Variants in IGF2R observed in about 807,000 individuals in gnomAD.
IGF2R encodes the protein insulin like growth factor 2 receptor.
In IGF2R, 91 loss-of-function variants were observed where a neutral mutation model predicts 270.6. The observed-to-expected ratio is 0.34, with a 90% CI of 0.28 to 0.40. The LOEUF is 0.40. Among genes scored for constraint, IGF2R ranks in the 10% least tolerant of loss-of-function variants. The pLI, the probability that IGF2R is intolerant of heterozygous loss-of-function variation, is 1.00. For missense variants in IGF2R, 2,805 were observed against 3,188.3 expected (o/e 0.88, Z 2.90); for synonymous variants, 1,316 against 1,258.9 (o/e 1.05, Z -0.96).
intron 1 of IGF2R, among the ~76,000 whole-genome samples, chr6:159,973,761 G>A (rs2115165486): frequency 6.6e-6 from 1 of 152,320 alleles, no homozygotes; most frequent in Middle Eastern, 3.4e-3. Context: ...TGGGCCTCAC[G>A]TCTTTTGTCA....
At chr6:160,002,577 G>A (rs1784147139) in intron 2 of IGF2R, among the ~76,000 whole-genome samples, 3 of 152,192 alleles carry the variant, frequency 2.0e-5, no homozygotes, top group African/African-American at 7.2e-5. Flanking sequence ...CTGTGTATAA[G>A]TGGACCTGGG....
chr6:159,973,345 G>A (rs544883058), intron 1 of IGF2R, among the ~76,000 whole-genome samples: 1 of 152,228 alleles, frequency 6.6e-6, no homozygotes, highest in Non-Finnish European at 1.5e-5. Context: ...GGTCTTAGCA[G>A]TGTGCATTAA....
intron 1 of IGF2R, among the ~76,000 whole-genome samples, chr6:159,986,155 A>AC (rs2115178616): frequency 6.6e-6 from 1 of 151,752 alleles, no homozygotes; most frequent in South Asian, 2.1e-4. Context: ...TACAGCATAG[A>AC]GTCAGTGACT....
Position 160,073,945 on chromosome 6 carries a change from G to T in IGF2R, c.5136G>T (p.Val1712=). Residue 1712 remains valine (V), a synonymous_variant, in exon 35 of 48, where the codon GTG becomes GTT. Transcript: ENST00000356956. The stretch of plus-strand genomic sequence containing the variant: ...TGCCCTGTCCTGCCGGAGCCGCTGT[G>T]TGCAAAGTTCCTATTGATGGTCCCC... ...HGVPCPAGAA[V]CKVPIDGPPI... The T allele has an allele frequency of 6.2e-7, 1 of 1,613,646 alleles. No homozygotes were observed. The highest frequency in any genetic ancestry group is 8.5e-7 in the Non-Finnish European group (1 of 1,179,688).
Position 160,064,478 on chromosome 6 carries a change from G to T in IGF2R, c.3964G>T (p.Val1322Phe), listed in dbSNP as rs1363410387. 5 of 1,614,026 alleles carry T rather than the reference G, an allele frequency of 3.1e-6. No homozygotes were observed. The highest frequency in any genetic ancestry group is 2.2e-5 in the East Asian group (1 of 44,884). Residue 1322 changes from valine to phenylalanine, a missense_variant, in exon 28 of 48, where the codon GTT (valine) becomes TTT (phenylalanine). Physicochemically the swap from Val to Phe is conservative, Grantham distance 50 (BLOSUM62 -1). Around this residue, in one of 2 missense-constraint regions of IGF2R, gnomAD observed 1,851 missense variants for 2,207.2 expected, o/e 0.84. Coordinates refer to ENST00000356956, the MANE Select transcript of IGF2R (RefSeq NM_000876.4). ...CACGGGGGGGGACACTTGCCATAAG[G>T]TTTATCAGCGCTCCACAGCCATCTT... ...NFTGGDTCHK[V>F]YQRSTAIFFY...
At chr6:159,975,431 T>C (rs1429099730) in intron 1 of IGF2R, among the ~76,000 whole-genome samples, 5 of 152,010 alleles carry the variant, frequency 3.3e-5, no homozygotes, top group Non-Finnish European at 7.4e-5. Flanking sequence ...TTATGGAAGC[T>C]TCAGGAGGTC....
intron 29 of IGF2R, among the ~76,000 whole-genome samples, chr6:160,065,831 T>C (rs1017230572): frequency 6.9e-5 from 8 of 115,524 alleles, no homozygotes; most frequent in African/African-American, 1.7e-4. Context: ...TATATATATA[T>C]ATATATATAT....
At chr6:160,080,047 T>A (rs1778943655) in intron 38 of IGF2R, 82 bp from the exon 39 acceptor site, 5 of 1,507,964 alleles carry the variant, frequency 3.3e-6, no homozygotes, top group Non-Finnish European at 4.5e-6. Flanking sequence ...GGCAGCTTCC[T>A]TAGGGACTGC....
chr6:160,046,739 C>A, intron 15 of IGF2R, 94 bp downstream of exon 15: 1 of 1,288,702 alleles, frequency 7.8e-7, no homozygotes, highest in Non-Finnish European at 1.1e-6. Context: ...AATGTCATTG[C>A]TTTATGACAA....
intron 1 of IGF2R, among the ~76,000 whole-genome samples, chr6:159,981,783 G>T (rs997340671): frequency 6.6e-6 from 1 of 152,132 alleles, no homozygotes; most frequent in African/African-American, 2.4e-5. Context: ...CCTCTGTTAC[G>T]CAGTCCCCAT....
chr6:160,045,186 A>G (rs1398719086), intron 13 of IGF2R, among the ~76,000 whole-genome samples: 2 of 152,156 alleles, frequency 1.3e-5, no homozygotes, highest in East Asian at 3.8e-4. Flanking sequence ...CCTTGTTGAC[A>G]TGGTGTGGTT....
At position 160,056,509 on chromosome 6, in the gene IGF2R, C is replaced by T. The variant is rs779810760; in HGVS notation, c.2780C>T (p.Thr927Met). ...GAGGCTGCCTGTCCCATTCAGACAA[C>T]GACGGATACAGACCAGGTACGTGTG... ...NTEAACPIQT[T>M]TDTDQACSIR... is the part of the protein sequence containing the mutation. Residue 927 changes from threonine to methionine, a missense_variant, in exon 20 of 48, where the codon ACG (threonine) becomes ATG (methionine). Thr to Met is a moderately conservative substitution (Grantham distance 81). Around this residue, in one of 2 missense-constraint regions of IGF2R, gnomAD observed 1,851 missense variants for 2,207.2 expected, o/e 0.84. Coordinates refer to ENST00000356956, the MANE Select transcript of IGF2R (RefSeq NM_000876.4). The T allele has an allele frequency of 1.9e-5, 30 of 1,611,574 alleles. No individual in the cohort carries two copies. In the South Asian group the frequency reaches 2.2e-4, roughly 12 times the overall value.
rs564314361 is a variant in IGF2R, at chr6:160,049,254, G to A, written c.2514+711G>A. ...ACTGGAGCAATGAGTTCAGTGTATA[G>A]TCAGTCCTCTTTATTCACAGATTCT... is the stretch of plus-strand genomic sequence containing the variant. On this transcript the variant is annotated intron_variant, in intron 18 of 47. Coordinates refer to ENST00000356956, the MANE Select transcript of IGF2R (RefSeq NM_000876.4). 2.9e-4 allele frequency among the ~76,000 whole-genome samples: 44 copies of A among 152,316 alleles called. 1 individual carries two copies. The South Asian group carries it at 5.2e-3, about 18-fold the overall frequency.
chr6:160,066,103 C>T (rs894367051), intron 29 of IGF2R, among the ~76,000 whole-genome samples: 2 of 151,350 alleles, frequency 1.3e-5, no homozygotes, highest in African/African-American at 4.9e-5. Context: ...CAACCTCCGC[C>T]TCCCGGGTTC....
chr6:160,016,618 G>A (rs190556109), intron 4 of IGF2R, among the ~76,000 whole-genome samples: 150 of 152,316 alleles, frequency 9.8e-4, no homozygotes, highest in Non-Finnish European at 4.7e-4. Flanking sequence ...ACAGTGCTAC[G>A]GCAGGAGACA....
At position 160,050,676 on chromosome 6, in the gene IGF2R, G is replaced by T; in HGVS notation, c.2694+24G>T. ...TGGTAAGGCACTGCTGCTGGCTGGT[G>T]ACCTTCACTGCTGCATTTTTTGACT... On this transcript the variant is annotated intron_variant, in intron 19 of 47. Coordinates refer to ENST00000356956, the MANE Select transcript of IGF2R (RefSeq NM_000876.4). This position sits in a 1 kb window ranked among gnomAD's most constrained non-coding sequence, Gnocchi z 4.0. 6.3e-7 allele frequency: 1 copy of T among 1,577,316 alleles called. No homozygotes were observed. Among genetic ancestry groups the T allele is most frequent in the South Asian group, 1.1e-5 (1 of 87,698 alleles).
intron 44 of IGF2R, among the ~76,000 whole-genome samples, chr6:160,092,107 A>C (rs1405952649): frequency 7.5e-6 from 1 of 133,846 alleles, no homozygotes; most frequent in African/African-American, 2.9e-5. Context: ...GCAGGATTCC[A>C]AACCTACCTC....
chr6:160,047,366 C>G (rs757752423), intron 16 of IGF2R, 30 bp downstream of exon 16: 8 of 1,525,384 alleles, frequency 5.2e-6, no homozygotes, highest in Middle Eastern at 1.8e-4. Flanking sequence ...ATCGCGCTCC[C>G]TGAGGATACT....
At chr6:160,016,705 C>G (rs1583261734) in intron 4 of IGF2R, among the ~76,000 whole-genome samples, 1 of 152,092 alleles carries the variant, frequency 6.6e-6, no homozygotes, top group African/African-American at 2.4e-5. Context: ...TGCTCACCAG[C>G]CTGGTATATT....
Sources: gnomAD v4.1 joint callset for allele counts (sites outside exome capture counted in the v4.1 genomes callset) on GRCh38, gnomAD v4.1.1 for gene constraint, gnomAD v4.1.1 regional missense constraint, Gnocchi (gnomAD v3.1) non-coding constraint, MANE v1.5 for transcripts, NCBI Gene and HGNC (gene_info 2026-07-23, HGNC 2026-07-21) for gene names.